Variants in KHDRBS2 observed in about 807,000 individuals in gnomAD.
KHDRBS2 encodes KH RNA binding domain containing, signal transduction associated 2, also known as KH domain-containing, RNA-binding, signal transduction-associated protein 2.
KHDRBS2 carries 26 observed loss-of-function variants against 44.3 expected under a neutral mutation model. That is an observed-to-expected ratio of 0.59 (90% CI 0.43 to 0.81). The LOEUF (loss-of-function observed/expected upper bound fraction) is 0.81, where lower values mean the gene tolerates loss of function less well. Among genes scored for constraint, KHDRBS2 ranks in the 40% least tolerant of loss-of-function variants. The probability of loss-of-function intolerance (pLI) is 0.00; values close to 1 mark genes in which losing one functional copy is unlikely to be tolerated. For synonymous variants in KHDRBS2, 194 were observed against 151.1 expected, an observed-to-expected ratio of 1.28 and a Z score of -2.08; for missense variants, 476 against 433.1, an observed-to-expected ratio of 1.10 and a Z score of -0.88.
At chr6:62,034,241 T>C (rs1784850988) in intron 3 of KHDRBS2, among the ~76,000 whole-genome samples, 1 of 151,904 alleles carries the variant, frequency 6.6e-6, no homozygotes, top group Non-Finnish European at 1.5e-5. Flanking sequence ...TGCTGAATTC[T>C]GCCAAACACT....
At chr6:61,748,621 T>C (rs898836924) in intron 6 of KHDRBS2, among the ~76,000 whole-genome samples, 1 of 152,244 alleles carries the variant, frequency 6.6e-6, no homozygotes, top group Non-Finnish European at 1.5e-5. Context: ...GTAACTTATA[T>C]GGGCTAAACA....
the KHDRBS2 span, among the ~76,000 whole-genome samples, chr6:61,558,584 T>G: frequency 6.6e-6 from 1 of 152,262 alleles, no homozygotes; most frequent in South Asian, 2.1e-4. Flanking sequence ...AATCTGTTTT[T>G]GCTATATCTC....
intron 2 of KHDRBS2, among the ~76,000 whole-genome samples, chr6:62,107,106 G>A (rs955818784): frequency 2.6e-5 from 4 of 151,426 alleles, no homozygotes; most frequent in South Asian, 2.1e-4. Context: ...AATTAGGCAG[G>A]AGAAGGAAAT....
At chr6:62,090,496 A>G (rs1038496587) in intron 2 of KHDRBS2, among the ~76,000 whole-genome samples, 2 of 152,106 alleles carry the variant, frequency 1.3e-5, no homozygotes, top group Non-Finnish European at 2.9e-5. Context: ...GAGCAGGGCT[A>G]TATCTGTTAA....
chr6:62,249,270 C>T (rs1163623004), intron 1 of KHDRBS2, among the ~76,000 whole-genome samples: 1 of 151,988 alleles, frequency 6.6e-6, no homozygotes, highest in Non-Finnish European at 1.5e-5. Context: ...ATTAAAAGTA[C>T]AGAAAATCAA....
chr6:62,285,721 C>G (rs1842392627), intron 1 of KHDRBS2, 137 bp downstream of exon 1: 1 of 617,692 alleles, frequency 1.6e-6, no homozygotes, highest in Non-Finnish European at 2.8e-6. Flanking sequence ...CGCCCGAGCT[C>G]TAAGGCGAGC....
chr6:61,752,467 C>G (rs984907371), intron 6 of KHDRBS2, among the ~76,000 whole-genome samples: 4 of 152,150 alleles, frequency 2.6e-5, no homozygotes, highest in Admixed American at 2.0e-4. Flanking sequence ...TCTCTAAGCT[C>G]AAACATACAA....
chr6:61,897,844 G>A (rs983030878), intron 5 of KHDRBS2, among the ~76,000 whole-genome samples: 7 of 151,888 alleles, frequency 4.6e-5, no homozygotes, highest in Middle Eastern at 3.4e-3. Flanking sequence ...CTATGTATTC[G>A]TTCTCAACGT....
chr6:61,770,604 A>C (rs1352472361), intron 6 of KHDRBS2, among the ~76,000 whole-genome samples: 1 of 152,196 alleles, frequency 6.6e-6, no homozygotes, highest in African/African-American at 2.4e-5. Context: ...AGACGAAATG[A>C]ATGAAATGAA....
intron 4 of KHDRBS2, among the ~76,000 whole-genome samples, chr6:61,923,494 A>T (rs1808426845): frequency 6.6e-6 from 1 of 152,154 alleles, no homozygotes; most frequent in Non-Finnish European, 1.5e-5. Flanking sequence ...TATGGGCTTT[A>T]TCCCAGGAAT....
At chr6:61,756,844 A>C (rs1361219441) in intron 6 of KHDRBS2, among the ~76,000 whole-genome samples, 1 of 152,168 alleles carries the variant, frequency 6.6e-6, no homozygotes, top group African/African-American at 2.4e-5. Context: ...TTCTCTTGCT[A>C]TTTTGTAATT....
chr6:61,831,290 G>T (rs972417634), intron 6 of KHDRBS2, among the ~76,000 whole-genome samples: 1 of 151,922 alleles, frequency 6.6e-6, no homozygotes, highest in African/African-American at 2.4e-5. Flanking sequence ...TGATAGAAAG[G>T]TTACATATCT....
intron 6 of KHDRBS2, among the ~76,000 whole-genome samples, chr6:61,846,629 AG>A (rs554812048): frequency 3.9e-5 from 6 of 152,176 alleles, no homozygotes. Context: ...CTATCCACTA[AG>A]AAGTCTTGTA....
chr6:62,195,841 C>G (rs1205884689), intron 1 of KHDRBS2, among the ~76,000 whole-genome samples: 1 of 152,108 alleles, frequency 6.6e-6, no homozygotes, highest in Non-Finnish European at 1.5e-5. Context: ...AGTGAGAACA[C>G]TGAGCCCTGT....
intron 6 of KHDRBS2, among the ~76,000 whole-genome samples, chr6:61,777,631 G>C (rs1426785877): frequency 6.6e-6 from 1 of 152,062 alleles, no homozygotes; most frequent in African/African-American, 2.4e-5. Flanking sequence ...CATGATTAGA[G>C]AGGAAAAATA....
At chr6:62,174,818 A>T (rs1311318042) in intron 2 of KHDRBS2, among the ~76,000 whole-genome samples, 1 of 151,806 alleles carries the variant, frequency 6.6e-6, no homozygotes, top group African/African-American at 2.4e-5. Context: ...TGAAGGATAA[A>T]TCACTTTTTT....
At chr6:62,220,807 T>C (rs979552982) in intron 1 of KHDRBS2, among the ~76,000 whole-genome samples, 2 of 151,824 alleles carry the variant, frequency 1.3e-5, no homozygotes, top group African/African-American at 2.4e-5. Flanking sequence ...CAGAATATGA[T>C]AGATTTAAAA....
intron 3 of KHDRBS2, among the ~76,000 whole-genome samples, chr6:62,010,436 T>C (rs528942989): frequency 1.3e-5 from 2 of 151,976 alleles, no homozygotes; most frequent in East Asian, 1.9e-4. Flanking sequence ...CTGAAAAGAG[T>C]TGAGACTTTG....
At chr6:61,568,816 C>T in the KHDRBS2 span, among the ~76,000 whole-genome samples, 4 of 152,192 alleles carry the variant, frequency 2.6e-5, no homozygotes, top group Non-Finnish European at 4.4e-5. Flanking sequence ...CAGGGGCCCT[C>T]AGGGAAGGCA....
Sources: allele counts gnomAD v4.1 joint callset (sites outside exome capture counted in the v4.1 genomes callset), GRCh38; gene constraint gnomAD v4.1.1; transcripts MANE v1.5; gene names NCBI Gene and HGNC (gene_info 2026-07-23, HGNC 2026-07-21).